Variants in OCA2 observed in about 807,000 individuals in gnomAD.
OCA2 encodes OCA2 melanosomal transmembrane protein.
OCA2 carries 77 observed loss-of-function variants against 100.2 expected under a neutral mutation model. The observed-to-expected ratio is 0.77, with a 90% CI of 0.64 to 0.93. The LOEUF (loss-of-function observed/expected upper bound fraction) is 0.93, where lower values mean the gene tolerates loss of function less well. OCA2 is among the 40% of genes least tolerant of loss of function. The pLI is 0.00. For synonymous variants in OCA2, 432 were observed against 439.2 expected (o/e 0.98, Z 0.21); for missense variants, 1,062 against 1,089.1 (o/e 0.98, Z 0.35).
At chr15:27,998,070 C>T (rs35624876) in intron 9 of OCA2, among the ~76,000 whole-genome samples, 85,008 of 143,530 alleles carry the variant, frequency 0.59, 29,534 homozygotes, top group Non-Finnish European at 0.8. Flanking sequence ...TTGACTTAAA[C>T]GTTAGACCTA....
At chr15:27,829,814 G>C (rs1016290176) in intron 23 of OCA2, among the ~76,000 whole-genome samples, 1 of 152,150 alleles carries the variant, frequency 6.6e-6, no homozygotes, top group Non-Finnish European at 1.5e-5. Flanking sequence ...GATAGTGCCT[G>C]GAAAAAGTAG....
chr15:27,892,235 C>T (rs1446260825), intron 19 of OCA2, among the ~76,000 whole-genome samples: 1 of 151,958 alleles, frequency 6.6e-6, no homozygotes, highest in Non-Finnish European at 1.5e-5. Context: ...ATATATAAAA[C>T]ACTTCACTCC....
chr15:27,985,210 G>C (rs377070187), intron 12 of OCA2, 22 bp from the exon 13 acceptor site: 76 of 1,613,258 alleles, frequency 4.7e-5, no homozygotes, highest in Non-Finnish European at 5.3e-5. Context: ...CACACAGAGA[G>C]AGTACAAGCC....
At chr15:28,041,792 T>C (rs944072140) in intron 2 of OCA2, among the ~76,000 whole-genome samples, 3 of 152,226 alleles carry the variant, frequency 2.0e-5, no homozygotes, top group Non-Finnish European at 4.4e-5. Context: ...AAACATAATG[T>C]TGCATGAAGA....
chr15:28,049,630 T>C (rs1440175423), intron 2 of OCA2, among the ~76,000 whole-genome samples: 1 of 152,156 alleles, frequency 6.6e-6, no homozygotes, highest in Non-Finnish European at 1.5e-5. Flanking sequence ...CATTTACTCA[T>C]AAAAGGAATG....
At chr15:27,729,820 T>C in the OCA2 span, among the ~76,000 whole-genome samples, 1 of 152,220 alleles carries the variant, frequency 6.6e-6, no homozygotes, top group African/African-American at 2.4e-5. Context: ...AGTGTAGCCA[T>C]TTAGTGTTTC....
intron 1 of OCA2, among the ~76,000 whole-genome samples, chr15:28,092,900 C>T (rs7161974): frequency 0.062 from 9,494 of 152,116 alleles, 459 homozygotes; most frequent in African/African-American, 0.13. Flanking sequence ...GCTAACATTA[C>T]GCCTAATGGT....
intron 19 of OCA2, among the ~76,000 whole-genome samples, chr15:27,878,099 A>C (rs890836213): frequency 2.0e-5 from 3 of 151,978 alleles, no homozygotes; most frequent in African/African-American, 7.2e-5. Flanking sequence ...CATCAAGTGA[A>C]ATATACAAGC....
At chr15:27,724,358 G>T in the OCA2 span, among the ~76,000 whole-genome samples, 10 of 152,214 alleles carry the variant, frequency 6.6e-5, 1 homozygote, top group Admixed American at 5.9e-4. Flanking sequence ...ACTCCTGGTG[G>T]CCTTAATCAT....
At chr15:27,871,350 T>A in intron 20 of OCA2, 92 bp from the exon 21 acceptor site, 1 of 913,744 alleles carries the variant, frequency 1.1e-6, no homozygotes, top group Non-Finnish European at 1.8e-6. Context: ...CCCGAGGGTG[T>A]TAGTCCTTCC....
intron 23 of OCA2, among the ~76,000 whole-genome samples, chr15:27,831,284 C>CAAAAAAAAAAAAAAAAAAAAAAAAAAA (rs71132824): frequency 3.2e-5 from 2 of 62,634 alleles, no homozygotes; most frequent in Admixed American, 2.5e-4. Context: ...GACTCCGTCT[C>CAAAAAAAAAAAAAAAAAAAAAAAAAAA]AAAAAAAAAA....
At chr15:27,785,567 A>T (rs1029001852) in intron 23 of OCA2, among the ~76,000 whole-genome samples, 3 of 152,250 alleles carry the variant, frequency 2.0e-5, no homozygotes, top group African/African-American at 7.2e-5. Context: ...CTATTTAAAT[A>T]AAAAAGGTAA....
At chr15:27,921,282 C>T (rs2038848960) in intron 19 of OCA2, among the ~76,000 whole-genome samples, 2 of 151,754 alleles carry the variant, frequency 1.3e-5, no homozygotes, top group South Asian at 4.2e-4. Flanking sequence ...GCAATGGAGA[C>T]CCGAAGTCAG....
At chr15:27,731,990 C>A in the OCA2 span, among the ~76,000 whole-genome samples, 64 of 152,314 alleles carry the variant, frequency 4.2e-4, no homozygotes, top group African/African-American at 1.4e-3. Context: ...AGTATTGTAT[C>A]CACAGCCCAG....
At chr15:27,719,311 GTCTC>G in the OCA2 span, among the ~76,000 whole-genome samples, 1 of 151,224 alleles carries the variant, frequency 6.6e-6, no homozygotes, top group Non-Finnish European at 1.5e-5. Context: ...TACATCCCTG[GTCTC>G]TCTCTCTCTC....
intron 9 of OCA2, among the ~76,000 whole-genome samples, chr15:28,001,204 C>T (rs4523883): frequency 2.6e-5 from 4 of 152,044 alleles, no homozygotes; most frequent in Non-Finnish European, 5.9e-5. Flanking sequence ...CAGAAACAAC[C>T]TAAGTGTCCA....
chr15:27,932,742 G>A (rs1464850660), intron 18 of OCA2, among the ~76,000 whole-genome samples: 9 of 152,138 alleles, frequency 5.9e-5, no homozygotes, highest in East Asian at 1.9e-4. Flanking sequence ...AACACTAGCC[G>A]AACACAGTAA....
intron 23 of OCA2, among the ~76,000 whole-genome samples, chr15:27,797,661 G>A (rs1341765437): frequency 1.3e-5 from 2 of 152,188 alleles, no homozygotes; most frequent in Non-Finnish European, 2.9e-5. Flanking sequence ...GTTACGTTTA[G>A]CCTGTGGACA....
intron 19 of OCA2, among the ~76,000 whole-genome samples, chr15:27,913,586 C>T (rs2038483423): frequency 6.6e-6 from 1 of 151,644 alleles, no homozygotes; most frequent in Non-Finnish European, 1.5e-5. Flanking sequence ...TCCCCTTATG[C>T]TGCTAAATCC....
Sources: gnomAD v4.1 joint callset for allele counts (sites outside exome capture counted in the v4.1 genomes callset) on GRCh38, gnomAD v4.1.1 for gene constraint, MANE v1.5 for transcripts, NCBI Gene and HGNC (gene_info 2026-07-23, HGNC 2026-07-21) for gene names.